Variants in HS6ST3 observed in about 807,000 individuals in gnomAD.
The protein encoded by HS6ST3 is heparan-sulfate 6-O-sulfotransferase 3.
Under a neutral mutation model 36.7 loss-of-function variants are expected in HS6ST3, and 12 were observed. The observed-to-expected ratio is 0.33, with a 90% CI of 0.21 to 0.53. The LOEUF (loss-of-function observed/expected upper bound fraction) is 0.53. Among genes scored for constraint, HS6ST3 ranks in the 20% least tolerant of loss-of-function variants. The pLI, the probability that HS6ST3 is intolerant of heterozygous loss-of-function variation, is 0.95. For synonymous variants in HS6ST3, 240 were observed against 257.5 expected (o/e 0.93, Z 0.65); for missense variants, 584 against 640.9 (o/e 0.91, Z 0.96).
intron 1 of HS6ST3, among the ~76,000 whole-genome samples, chr13:96,362,679 T>C (rs2055244115): frequency 6.6e-6 from 1 of 152,182 alleles, no homozygotes; most frequent in African/African-American, 2.4e-5. Context: ...AACACATACA[T>C]GTTCATGCAA....
At chr13:96,705,415 G>A (rs1481342255) in intron 1 of HS6ST3, among the ~76,000 whole-genome samples, 2 of 152,156 alleles carry the variant, frequency 1.3e-5, no homozygotes, top group Non-Finnish European at 2.9e-5. Context: ...AAATTCTCCA[G>A]GTGATAATAT....
chr13:96,512,877 A>AT (rs1483523189), intron 1 of HS6ST3, among the ~76,000 whole-genome samples: 13 of 149,814 alleles, frequency 8.7e-5, no homozygotes, highest in Non-Finnish European at 1.6e-4. Flanking sequence ...TTAACCTCTC[A>AT]TTTTTTTGTT....
At chr13:96,309,899 G>C (rs146382481) in intron 1 of HS6ST3, among the ~76,000 whole-genome samples, 1 of 152,086 alleles carries the variant, frequency 6.6e-6, no homozygotes, top group Non-Finnish European at 1.5e-5. Context: ...ATAGCTAATA[G>C]TGGGGAAAGA....
At chr13:96,180,891 TTTTC>T (rs2054236749) in intron 1 of HS6ST3, among the ~76,000 whole-genome samples, 2 of 152,190 alleles carry the variant, frequency 1.3e-5, no homozygotes, top group African/African-American at 4.8e-5. Flanking sequence ...CTTCTCCTTT[TTTTC>T]TTTATTAATG....
chr13:96,571,467 T>G (rs1164973788), intron 1 of HS6ST3, among the ~76,000 whole-genome samples: 1 of 152,238 alleles, frequency 6.6e-6, no homozygotes, highest in Non-Finnish European at 1.5e-5. Context: ...AATGGACTCT[T>G]ATTGAACAAT....
At chr13:96,452,705 C>T (rs1170402724) in intron 1 of HS6ST3, among the ~76,000 whole-genome samples, 2 of 151,934 alleles carry the variant, frequency 1.3e-5, no homozygotes, top group Non-Finnish European at 2.9e-5. Flanking sequence ...TTCTTTTATG[C>T]CTGGCTATTA....
chr13:96,262,232 G>T (rs1388485115), intron 1 of HS6ST3, among the ~76,000 whole-genome samples: 1 of 152,158 alleles, frequency 6.6e-6, no homozygotes, highest in African/African-American at 2.4e-5. Flanking sequence ...GTTATTAGCA[G>T]GTGGAAAATG....
chr13:96,759,883 A>G (rs1876922828), intron 1 of HS6ST3, among the ~76,000 whole-genome samples: 1 of 151,922 alleles, frequency 6.6e-6, no homozygotes, highest in Admixed American at 6.6e-5. Context: ...AGCTTCAATT[A>G]CTCCTTATTC....
intron 1 of HS6ST3, among the ~76,000 whole-genome samples, chr13:96,778,145 C>T (rs1414397080): frequency 1.3e-5 from 2 of 152,184 alleles, no homozygotes; most frequent in Non-Finnish European, 2.9e-5. Flanking sequence ...AATTCGACCC[C>T]TTCCTTACAC....
chr13:96,617,384 C>T (rs1389198405), intron 1 of HS6ST3, among the ~76,000 whole-genome samples: 3 of 152,172 alleles, frequency 2.0e-5, no homozygotes, highest in Admixed American at 6.5e-5. Flanking sequence ...GTTATGTTAA[C>T]TACAGTTACT....
At chr13:96,457,892 T>C (rs2055761987) in intron 1 of HS6ST3, among the ~76,000 whole-genome samples, 1 of 152,156 alleles carries the variant, frequency 6.6e-6, no homozygotes. Context: ...ATGTCACCTG[T>C]TTCATTGAGT....
Position 96,839,311 on chromosome 13 carries a change from C to G in HS6ST3, c.*6113C>G, listed in dbSNP as rs1235556564. 3 of 151,840 alleles carry G rather than the reference C, an allele frequency of 2.0e-5. No individual in the cohort carries two copies. The allele number at this position is 151,840 out of a possible 1,614,324, so 9.4% of individuals were successfully genotyped here. A position where few individuals can be genotyped will look rare whatever the true frequency, so the allele number is the denominator to read the frequency against. On this transcript the variant is annotated 3_prime_UTR_variant, in exon 2 of 2. Coordinates refer to ENST00000376705, the MANE Select transcript of HS6ST3 (RefSeq NM_153456.4). ...CAGTGTTGGAAAGAAAAATCTGGAT[C>G]TTTATGTGGGGACCTATTTTACATG...
intron 1 of HS6ST3, among the ~76,000 whole-genome samples, chr13:96,095,301 A>G (rs1251477579): frequency 2.0e-5 from 3 of 152,228 alleles, no homozygotes; most frequent in African/African-American, 7.2e-5. Flanking sequence ...CCTAGGCTTC[A>G]TCTCTGGTAA....
At chr13:96,803,679 T>A (rs768803529) in intron 1 of HS6ST3, among the ~76,000 whole-genome samples, 1 of 152,202 alleles carries the variant, frequency 6.6e-6, no homozygotes, top group Non-Finnish European at 1.5e-5. Context: ...TTTATTTGTT[T>A]GCCTGTTGAT....
At chr13:96,136,051 A>G (rs1447995856) in intron 1 of HS6ST3, among the ~76,000 whole-genome samples, 1 of 152,094 alleles carries the variant, frequency 6.6e-6, no homozygotes, top group African/African-American at 2.4e-5. Flanking sequence ...ACACACATTC[A>G]GGTGTGTCTG....
intron 1 of HS6ST3, among the ~76,000 whole-genome samples, chr13:96,738,300 A>G (rs1876336980): frequency 6.6e-6 from 1 of 152,084 alleles, no homozygotes; most frequent in Non-Finnish European, 1.5e-5. Flanking sequence ...TTTCTCTTTC[A>G]CCTGCACCCA....
intron 1 of HS6ST3, among the ~76,000 whole-genome samples, chr13:96,699,773 G>T (rs550617): frequency 6.6e-6 from 1 of 152,146 alleles, no homozygotes; most frequent in East Asian, 1.9e-4. Flanking sequence ...AAAACATGCT[G>T]CTATAAAGAC....
chr13:96,666,155 G>T (rs999749196), intron 1 of HS6ST3, among the ~76,000 whole-genome samples: 1 of 152,116 alleles, frequency 6.6e-6, no homozygotes, highest in African/African-American at 2.4e-5. Flanking sequence ...GACAGGAGGA[G>T]AAGTGCTGAG....
At chr13:96,141,826 A>G (rs758806725) in intron 1 of HS6ST3, among the ~76,000 whole-genome samples, 4 of 152,146 alleles carry the variant, frequency 2.6e-5, no homozygotes, top group Non-Finnish European at 5.9e-5. Context: ...TGTCAACACT[A>G]TGGAAGAAAA....
Sources: allele counts gnomAD v4.1 joint callset (sites outside exome capture counted in the v4.1 genomes callset), GRCh38; gene constraint gnomAD v4.1.1; transcripts MANE v1.5; gene names NCBI Gene and HGNC (gene_info 2026-07-23, HGNC 2026-07-21).